The following VPS13B variants were observed in gnomAD, a reference collection of about 807,000 sequenced individuals.
VPS13B encodes the protein vacuolar protein sorting 13 homolog B, also known as intermembrane lipid transfer protein VPS13B.
VPS13B carries 285 observed loss-of-function variants against 426.4 expected under a neutral mutation model. The observed-to-expected ratio is 0.67, with a 90% CI of 0.61 to 0.74. The LOEUF is 0.74. Among genes scored for constraint, VPS13B ranks in the 30% least tolerant of loss-of-function variants. The pLI is 0.00. For synonymous variants in VPS13B, 1,676 were observed against 1,676.4 expected, an observed-to-expected ratio of 1.00 and a Z score of 0.01; for missense variants, 4,537 against 4,782.6, an observed-to-expected ratio of 0.95 and a Z score of 1.51.
chr8:99,618,861 A>C (rs1047542634), intron 33 of VPS13B, among the ~76,000 whole-genome samples: 8 of 152,206 alleles, frequency 5.3e-5, no homozygotes, highest in African/African-American at 1.9e-4. Context: ...AGTATTGTAC[A>C]GGAAGGAAAT....
At chr8:99,370,314 TAA>T (rs1813106485) in intron 19 of VPS13B, among the ~76,000 whole-genome samples, 2 of 152,136 alleles carry the variant, frequency 1.3e-5, no homozygotes, top group Non-Finnish European at 2.9e-5. Context: ...GATAGGGTGT[TAA>T]GAGACAGGGC....
chr8:99,336,098 A>G (rs1810848638), intron 19 of VPS13B, among the ~76,000 whole-genome samples: 1 of 152,224 alleles, frequency 6.6e-6, no homozygotes, highest in South Asian at 2.1e-4. Flanking sequence ...GCATCATGCT[A>G]CCTGACTTCA....
chr8:99,118,971 T>C (rs1201611128), intron 7 of VPS13B, among the ~76,000 whole-genome samples: 1 of 152,238 alleles, frequency 6.6e-6, no homozygotes, highest in East Asian at 1.9e-4. Context: ...TCAATGTGGT[T>C]GTACCATTTT....
intron 42 of VPS13B, among the ~76,000 whole-genome samples, chr8:99,783,588 T>C (rs892155934): frequency 2.0e-5 from 3 of 152,180 alleles, no homozygotes; most frequent in African/African-American, 7.2e-5. Context: ...CAAAGGAACG[T>C]ATTATTAATT....
intron 17 of VPS13B, among the ~76,000 whole-genome samples, chr8:99,250,602 A>G (rs1405121870): frequency 6.9e-6 from 1 of 144,634 alleles, no homozygotes; most frequent in Non-Finnish European, 1.5e-5. Flanking sequence ...GTGAGAAATT[A>G]TCTGGCATAT....
intron 33 of VPS13B, among the ~76,000 whole-genome samples, chr8:99,615,588 T>C (rs1316937567): frequency 6.6e-6 from 1 of 152,210 alleles, no homozygotes; most frequent in Non-Finnish European, 1.5e-5. Flanking sequence ...TAAGGAAAAG[T>C]GTATGCTTAA....
intron 23 of VPS13B, among the ~76,000 whole-genome samples, chr8:99,464,060 G>A (rs1465373115): frequency 1.5e-5 from 2 of 133,124 alleles, no homozygotes; most frequent in African/African-American, 6.3e-5. Flanking sequence ...AGCAATTTTG[G>A]CCTATTTATG....
chr8:99,228,956 TAGTA>T (rs1816168530), intron 17 of VPS13B, among the ~76,000 whole-genome samples: 2 of 152,138 alleles, frequency 1.3e-5, no homozygotes, highest in South Asian at 4.1e-4. Flanking sequence ...ATGAGTGTGA[TAGTA>T]AGCTCAATCA....
Position 99,396,460 on chromosome 8 carries a change from C to T in VPS13B, c.3082+4756C>T, listed in dbSNP as rs117511478. 5.6e-3 allele frequency among the ~76,000 whole-genome samples: 845 copies of T among 152,226 alleles called. 9 individuals are homozygous for T. Among genetic ancestry groups the T allele is most frequent in the Non-Finnish European group, 6.8e-3 (463 of 67,992 alleles). On this transcript the variant is annotated intron_variant, in intron 21 of 61. Coordinates refer to ENST00000357162, the MANE Select transcript of VPS13B (RefSeq NM_152564.5). ...TAATGAGACTTTTTAAAAATTGAAACTGCCAGAGTATAGGCACTTTGCGAT... is the reference window on the plus strand; with the variant it reads ...TAATGAGACTTTTTAAAAATTGAAATTGCCAGAGTATAGGCACTTTGCGAT...
intron 39 of VPS13B, among the ~76,000 whole-genome samples, chr8:99,749,091 T>G (rs998008154): frequency 6.6e-6 from 1 of 151,498 alleles, no homozygotes; most frequent in African/African-American, 2.4e-5. Flanking sequence ...TTAGAAAAAT[T>G]TATTTTTAAT....
At chr8:99,371,546 T>A (rs1395968251) in intron 19 of VPS13B, among the ~76,000 whole-genome samples, 2 of 152,224 alleles carry the variant, frequency 1.3e-5, no homozygotes, top group Non-Finnish European at 2.9e-5. Context: ...TTCGTTTTGC[T>A]TAGGATTGTC....
chr8:99,487,560 A>T (rs1456298125), intron 25 of VPS13B, among the ~76,000 whole-genome samples: 1 of 152,170 alleles, frequency 6.6e-6, no homozygotes, highest in Non-Finnish European at 1.5e-5. Flanking sequence ...AGAAATTTTC[A>T]TCATCCCAGA....
At chr8:99,674,615 T>A (rs561031746) in intron 35 of VPS13B, among the ~76,000 whole-genome samples, 1 of 152,216 alleles carries the variant, frequency 6.6e-6, no homozygotes, top group East Asian at 1.9e-4. Flanking sequence ...TGCCATTTTG[T>A]CAATTGTCTT....
intron 42 of VPS13B, among the ~76,000 whole-genome samples, chr8:99,781,432 CT>C (rs1350815242): frequency 3.9e-5 from 6 of 152,152 alleles, no homozygotes; most frequent in Admixed American, 3.3e-4. Flanking sequence ...GATAAGCCAT[CT>C]TTTAATTATG....
chr8:99,679,895 G>A (rs1335344966), intron 35 of VPS13B, among the ~76,000 whole-genome samples: 2 of 152,044 alleles, frequency 1.3e-5, no homozygotes, highest in African/African-American at 4.8e-5. Flanking sequence ...TTATGACCTA[G>A]TAATAATTTT....
At chr8:99,870,046 TAA>T (rs1405546065) in intron 59 of VPS13B, among the ~76,000 whole-genome samples, 10 of 152,370 alleles carry the variant, frequency 6.6e-5, no homozygotes, top group African/African-American at 2.2e-4. Flanking sequence ...ACAGCCGGAT[TAA>T]GTCGCTTAGC....
At chr8:99,087,142 T>G (rs1845860766) in intron 3 of VPS13B, among the ~76,000 whole-genome samples, 1 of 152,194 alleles carries the variant, frequency 6.6e-6, no homozygotes, top group African/African-American at 2.4e-5. Flanking sequence ...TACCTACTCA[T>G]GCCTCAGCAA....
chr8:99,722,359 TTA>T (rs1324959025), intron 39 of VPS13B, among the ~76,000 whole-genome samples: 5 of 152,210 alleles, frequency 3.3e-5, no homozygotes, highest in Non-Finnish European at 5.9e-5. Flanking sequence ...AATAAGCTCC[TTA>T]TATGTCTTGA....
At chr8:99,623,293 A>C (rs1311936712) in intron 33 of VPS13B, among the ~76,000 whole-genome samples, 7 of 152,088 alleles carry the variant, frequency 4.6e-5, no homozygotes, top group African/African-American at 1.7e-4. Flanking sequence ...GAGGCCTACC[A>C]TGACTTCCCT....
Sources: gnomAD v4.1 joint callset for allele counts (sites outside exome capture counted in the v4.1 genomes callset) on GRCh38, gnomAD v4.1.1 for gene constraint, MANE v1.5 for transcripts, NCBI Gene and HGNC (gene_info 2026-07-23, HGNC 2026-07-21) for gene names.